MYO16: variants seen among roughly 807,000 people sequenced by gnomAD.
MYO16 encodes myosin XVI, also known as unconventional myosin-XVI.
Under a neutral mutation model 205.3 loss-of-function variants are expected in MYO16, and 94 were observed. That is an observed-to-expected ratio of 0.46 (90% CI 0.39 to 0.54). The LOEUF is 0.54. Ranked by LOEUF, MYO16 falls within the 20% of genes least tolerant of loss-of-function variation. The pLI is 0.00. For synonymous variants in MYO16, 988 were observed against 954.0 expected (o/e 1.04, Z -0.66); for missense variants, 2,315 against 2,387.5 (o/e 0.97, Z 0.63).
At chr13:108,918,971 A>T (rs1408756100) in intron 16 of MYO16, among the ~76,000 whole-genome samples, 1 of 81,746 alleles carries the variant, frequency 1.2e-5, no homozygotes, top group Non-Finnish European at 2.4e-5. Flanking sequence ...AAAAAAAAAA[A>T]CTTACACTCA....
intron 4 of MYO16, among the ~76,000 whole-genome samples, chr13:108,767,499 CA>C (rs1464394661): frequency 1.3e-5 from 2 of 151,994 alleles, no homozygotes; most frequent in Admixed American, 1.3e-4. Context: ...TTATAGAGGG[CA>C]TTTTGTTATT....
At chr13:108,543,749 T>A in the MYO16 span, among the ~76,000 whole-genome samples, 1 of 148,644 alleles carries the variant, frequency 6.7e-6, no homozygotes, top group South Asian at 2.1e-4. Context: ...TCTTTTTTTT[T>A]TTTTTTTTAA....
chr13:108,865,549 T>C (rs1878673323), intron 11 of MYO16, among the ~76,000 whole-genome samples: 1 of 152,062 alleles, frequency 6.6e-6, no homozygotes, highest in Admixed American at 6.5e-5. Context: ...GTTTAGGATG[T>C]TTCTCTTTAA....
At chr13:108,898,351 AGTGT>A (rs3042037) in intron 15 of MYO16, among the ~76,000 whole-genome samples, 44,120 of 144,866 alleles carry the variant, frequency 0.3, 6,773 homozygotes, top group South Asian at 0.35. Flanking sequence ...AGGGTGTGTG[AGTGT>A]GTGTGTGTGT....
intron 12 of MYO16, among the ~76,000 whole-genome samples, chr13:108,882,325 C>T (rs964723945): frequency 6.6e-6 from 1 of 152,168 alleles, no homozygotes; most frequent in Admixed American, 6.5e-5. Flanking sequence ...CAGCGCTGCA[C>T]GTTGCATTTT....
chr13:108,965,631 C>T (rs1330169838), intron 20 of MYO16, among the ~76,000 whole-genome samples: 2 of 152,178 alleles, frequency 1.3e-5, no homozygotes, highest in African/African-American at 4.8e-5. Flanking sequence ...GTCTTGAACT[C>T]CTGACCTCAG....
At chr13:109,084,935 TG>T (rs1888392796) in intron 27 of MYO16, among the ~76,000 whole-genome samples, 1 of 152,088 alleles carries the variant, frequency 6.6e-6, no homozygotes, top group Non-Finnish European at 1.5e-5. Flanking sequence ...CCAGTCAGTG[TG>T]GGTTTATGGG....
intron 24 of MYO16, among the ~76,000 whole-genome samples, chr13:109,047,714 CTT>C (rs1442111773): frequency 6.6e-6 from 1 of 151,960 alleles, no homozygotes; most frequent in Non-Finnish European, 1.5e-5. Flanking sequence ...ATCTTGTATG[CTT>C]TAAGTTGCTA....
the MYO16 span, among the ~76,000 whole-genome samples, chr13:108,576,596 T>G: frequency 1.3e-5 from 2 of 152,204 alleles, no homozygotes. Flanking sequence ...TGAAAGTAAC[T>G]GCTCTTAGTT....
chr13:108,674,525 C>T (rs560243922), intron 2 of MYO16, among the ~76,000 whole-genome samples: 1 of 152,116 alleles, frequency 6.6e-6, no homozygotes, highest in African/African-American at 2.4e-5. Context: ...TCTCCCTGAC[C>T]TCCCACAACC....
At chr13:109,006,053 A>T (rs1019229795) in intron 21 of MYO16, among the ~76,000 whole-genome samples, 9 of 152,140 alleles carry the variant, frequency 5.9e-5, no homozygotes, top group African/African-American at 2.2e-4. Flanking sequence ...TGCTCATTGG[A>T]AGCTGTCCTT....
intron 4 of MYO16, among the ~76,000 whole-genome samples, chr13:108,769,700 T>C (rs9301318): frequency 0.98 from 149,763 of 152,228 alleles, 73,699 homozygotes; most frequent in Middle Eastern, 1. Flanking sequence ...TTGGTGAGAA[T>C]GGTCAGGTAT....
the MYO16 span, among the ~76,000 whole-genome samples, chr13:108,540,616 C>T: frequency 6.6e-6 from 1 of 152,100 alleles, no homozygotes; most frequent in African/African-American, 2.4e-5. Context: ...ATCTCTTTGC[C>T]ACTCCCAGAA....
At chr13:108,718,861 A>G (rs1037747668) in intron 3 of MYO16, among the ~76,000 whole-genome samples, 10 of 152,254 alleles carry the variant, frequency 6.6e-5, no homozygotes, top group African/African-American at 2.4e-4. Flanking sequence ...AGAGAATCGT[A>G]ACCTTGACCT....
At chr13:109,167,524 A>G (rs1472584485) in intron 33 of MYO16, among the ~76,000 whole-genome samples, 2 of 152,304 alleles carry the variant, frequency 1.3e-5, no homozygotes, top group Admixed American at 1.3e-4. Context: ...ATGTGGTGTT[A>G]TAGACAACCT....
Position 109,140,954 on chromosome 13 carries a change from C to G in MYO16, c.4742C>G (p.Ala1581Gly). Residue 1581 changes from alanine to glycine, a missense_variant, in exon 32 of 35, where the codon GCG (alanine) becomes GGG (glycine). This residue lies in a region of MYO16 where 1,097 missense variants were observed against 1,092.0 expected (regional missense o/e 1.00). Transcript: ENST00000457511. The surrounding 1 kb of genome is among the most constrained non-coding windows in gnomAD (Gnocchi z 8.0). Reference sequence around the variant, plus strand: ...GACAGGCCCGCGTCCCCCGGCCTGGCGCTGTTCAACGGGTCCGGCCGAGCC... The same window carrying G: ...GACAGGCCCGCGTCCCCCGGCCTGGGGCTGTTCAACGGGTCCGGCCGAGCC... The part of the protein sequence containing the change: ...DGDRPASPGL[A>G]LFNGSGRASP... 3 of 1,513,092 alleles carry G rather than the reference C, an allele frequency of 2.0e-6. No individual in the cohort carries two copies. The highest frequency in any genetic ancestry group is 2.7e-6 in the Non-Finnish European group (3 of 1,131,388). 93.7% of individuals were successfully genotyped at this position (1,513,092 alleles called of 1,614,324 possible).
At chr13:108,653,448 G>C (rs1379805280) in intron 1 of MYO16, among the ~76,000 whole-genome samples, 1 of 152,048 alleles carries the variant, frequency 6.6e-6, no homozygotes, top group Non-Finnish European at 1.5e-5. Flanking sequence ...GTCATAGCTA[G>C]AATTCATTGC....
At chr13:108,580,444 G>A in the MYO16 span, among the ~76,000 whole-genome samples, 3 of 152,170 alleles carry the variant, frequency 2.0e-5, no homozygotes, top group Admixed American at 6.6e-5. Context: ...AAGCCACTTA[G>A]TGTTTACAAA....
chr13:108,898,183 G>T, intron 15 of MYO16, 50 bp downstream of exon 15: 1 of 1,419,138 alleles, frequency 7.0e-7, no homozygotes, highest in South Asian at 1.2e-5. Flanking sequence ...GCCAGCATGC[G>T]ACCACGTCAC....
Sources: gnomAD v4.1 joint callset for allele counts (sites outside exome capture counted in the v4.1 genomes callset) on GRCh38, gnomAD v4.1.1 for gene constraint, gnomAD v4.1.1 regional missense constraint, Gnocchi (gnomAD v3.1) non-coding constraint, MANE v1.5 for transcripts, NCBI Gene and HGNC (gene_info 2026-07-23, HGNC 2026-07-21) for gene names.